Variants in CTNND2 observed in about 807,000 individuals in gnomAD.
CTNND2 encodes catenin delta 2.
Under a neutral mutation model 144.4 loss-of-function variants are expected in CTNND2, and 22 were observed. The observed-to-expected ratio is 0.15, with a 90% CI of 0.11 to 0.22. CTNND2 has a LOEUF of 0.22. Ranked by LOEUF, CTNND2 falls within the 10% of genes least tolerant of loss-of-function variation. The pLI, the probability that CTNND2 is intolerant of heterozygous loss-of-function variation, is 1.00. For synonymous variants in CTNND2, 751 were observed against 695.6 expected (o/e 1.08, Z -1.25); for missense variants, 1,353 against 1,618.8 (o/e 0.84, Z 2.82).
intron 11 of CTNND2, among the ~76,000 whole-genome samples, chr5:11,171,336 A>G (rs1759884237): frequency 6.6e-6 from 1 of 152,194 alleles, no homozygotes; most frequent in Non-Finnish European, 1.5e-5. Flanking sequence ...CACACTTCCA[A>G]TTATATTGTT....
chr5:11,762,735 T>A (rs981783666), intron 1 of CTNND2, among the ~76,000 whole-genome samples: 9 of 152,172 alleles, frequency 5.9e-5, no homozygotes, highest in African/African-American at 2.2e-4. Flanking sequence ...CAGCAATACA[T>A]CTTCCACATG....
chr5:11,004,633 C>T (rs527783798), intron 18 of CTNND2, among the ~76,000 whole-genome samples: 11 of 152,156 alleles, frequency 7.2e-5, no homozygotes, highest in East Asian at 1.9e-4. Flanking sequence ...CATGGTGGCA[C>T]GTGCCTATAA....
chr5:11,387,067 C>T (rs1353913433), intron 6 of CTNND2, among the ~76,000 whole-genome samples: 1 of 152,018 alleles, frequency 6.6e-6, no homozygotes, highest in Non-Finnish European at 1.5e-5. Context: ...TAAAAAAAAT[C>T]TCAATACTCA....
intron 16 of CTNND2, among the ~76,000 whole-genome samples, chr5:11,045,404 A>G (rs1290157070): frequency 6.6e-6 from 1 of 152,162 alleles, no homozygotes; most frequent in Non-Finnish European, 1.5e-5. Context: ...TGTTTATAAC[A>G]ATCAGATCTT....
intron 2 of CTNND2, among the ~76,000 whole-genome samples, chr5:11,612,377 A>G (rs1432111223): frequency 1.3e-5 from 2 of 152,184 alleles, no homozygotes; most frequent in East Asian, 1.9e-4. Flanking sequence ...AAAGACTAGT[A>G]CTAAGTAGTT....
intron 16 of CTNND2, among the ~76,000 whole-genome samples, chr5:11,048,679 G>A (rs1745528323): frequency 1.3e-5 from 2 of 152,334 alleles, no homozygotes; most frequent in South Asian, 4.1e-4. Flanking sequence ...GGTCACAGCA[G>A]TGCTATATCC....
intron 2 of CTNND2, among the ~76,000 whole-genome samples, chr5:11,580,946 T>C (rs1778381964): frequency 1.3e-5 from 2 of 152,156 alleles, no homozygotes; most frequent in South Asian, 4.1e-4. Context: ...GCCCACACCT[T>C]TGCATTGCCC....
intron 10 of CTNND2, among the ~76,000 whole-genome samples, chr5:11,216,230 C>T (rs999551193): frequency 4.6e-5 from 7 of 152,168 alleles, no homozygotes; most frequent in African/African-American, 7.2e-5. Context: ...GCCCCCCCAC[C>T]GCCACCCTAT....
intron 3 of CTNND2, among the ~76,000 whole-genome samples, chr5:11,540,203 A>C (rs1774598109): frequency 6.6e-6 from 1 of 152,140 alleles, no homozygotes; most frequent in Non-Finnish European, 1.5e-5. Flanking sequence ...ACGACATTCC[A>C]AGTGTGCCCT....
intron 2 of CTNND2, among the ~76,000 whole-genome samples, chr5:11,634,682 G>T (rs531462755): frequency 3.1e-4 from 47 of 152,128 alleles, no homozygotes; most frequent in Admixed American, 7.2e-4. Flanking sequence ...CAGAAAGTAT[G>T]TAAAAAGCAA....
intron 3 of CTNND2, among the ~76,000 whole-genome samples, chr5:11,449,386 G>C (rs1315942169): frequency 2.6e-5 from 4 of 152,160 alleles, no homozygotes; most frequent in Non-Finnish European, 1.5e-5. Context: ...AGCACATGTG[G>C]CTGCATTATC....
At chr5:11,764,345 T>A (rs1789454272) in intron 1 of CTNND2, among the ~76,000 whole-genome samples, 1 of 152,162 alleles carries the variant, frequency 6.6e-6, no homozygotes, top group Admixed American at 6.5e-5. Context: ...GTAACAAATT[T>A]ATATTGTTTT....
chr5:11,320,016 C>T (rs1353646146), intron 9 of CTNND2, among the ~76,000 whole-genome samples: 1 of 152,156 alleles, frequency 6.6e-6, no homozygotes, highest in Admixed American at 6.5e-5. Context: ...CTGAGCTGAA[C>T]TCTGAGAACA....
At chr5:11,862,812 A>G (rs1482673794) in intron 1 of CTNND2, among the ~76,000 whole-genome samples, 4 of 152,194 alleles carry the variant, frequency 2.6e-5, no homozygotes, top group Non-Finnish European at 4.4e-5. Flanking sequence ...ACTGCTTTAT[A>G]TTTGCTGTCA....
At chr5:11,623,215 T>C (rs867851624) in intron 2 of CTNND2, among the ~76,000 whole-genome samples, 1 of 152,110 alleles carries the variant, frequency 6.6e-6, no homozygotes, top group Non-Finnish European at 1.5e-5. Context: ...CATTTTCTTA[T>C]AGGCTCGTTG....
intron 10 of CTNND2, among the ~76,000 whole-genome samples, chr5:11,235,034 C>T (rs1393069938): frequency 6.6e-6 from 1 of 152,184 alleles, no homozygotes; most frequent in Non-Finnish European, 1.5e-5. Context: ...TGGAAAGCCT[C>T]ACTGTGTAAG....
At chr5:11,006,777 A>T (rs547268221) in intron 18 of CTNND2, among the ~76,000 whole-genome samples, 1 of 152,312 alleles carries the variant, frequency 6.6e-6, no homozygotes, top group Non-Finnish European at 1.5e-5. Flanking sequence ...AGAAAGTGAG[A>T]AGGCAGAAGA....
intron 2 of CTNND2, among the ~76,000 whole-genome samples, chr5:11,670,211 A>G (rs1324657668): frequency 6.6e-6 from 1 of 152,194 alleles, no homozygotes; most frequent in East Asian, 1.9e-4. Flanking sequence ...GGTGCTGAGA[A>G]CAATGTATAT....
chr5:11,522,058 A>G (rs1772774340), intron 3 of CTNND2, among the ~76,000 whole-genome samples: 1 of 152,230 alleles, frequency 6.6e-6, no homozygotes, highest in African/African-American at 2.4e-5. Flanking sequence ...AAGCAGACAC[A>G]GTGCATGATT....
Sources: allele counts gnomAD v4.1 joint callset (sites outside exome capture counted in the v4.1 genomes callset), GRCh38; gene constraint gnomAD v4.1.1; transcripts MANE v1.5; gene names NCBI Gene and HGNC (gene_info 2026-07-23, HGNC 2026-07-21).